Variants in ITFG1 observed in about 807,000 individuals in gnomAD.
The protein encoded by ITFG1 is integrin alpha FG-GAP repeat containing 1.
Under a neutral mutation model 81.8 loss-of-function variants are expected in ITFG1, and 34 were observed. The ratio of observed to expected loss-of-function variants is 0.42; its 90% CI spans 0.32 to 0.55. The LOEUF (loss-of-function observed/expected upper bound fraction) is 0.55, where lower values mean the gene tolerates loss of function less well. Ranked by LOEUF, ITFG1 falls within the 20% of genes least tolerant of loss-of-function variation. The pLI, the probability that ITFG1 is intolerant of heterozygous loss-of-function variation, is 0.17. For synonymous variants in ITFG1, 285 were observed against 270.6 expected (o/e 1.05, Z -0.52); for missense variants, 672 against 755.4 (o/e 0.89, Z 1.29).
At chr16:47,447,768 CTGTT>C (rs934615568) in intron 5 of ITFG1, among the ~76,000 whole-genome samples, 4 of 152,158 alleles carry the variant, frequency 2.6e-5, no homozygotes, top group African/African-American at 9.7e-5. Flanking sequence ...AAGTTTTTCA[CTGTT>C]TCTGCAGTTT....
chr16:47,406,742 A>G (rs912796805), intron 6 of ITFG1, among the ~76,000 whole-genome samples: 1 of 152,216 alleles, frequency 6.6e-6, no homozygotes, highest in South Asian at 2.1e-4. Flanking sequence ...AAACTAAAGA[A>G]GGGTAAGGGC....
In ITFG1 at chr16:47,273,536, C is replaced by G. The variant is rs529241987; in HGVS notation, c.1071-12841G>C. 2.0e-5 allele frequency among the ~76,000 whole-genome samples: 3 copies of G among 152,232 alleles called. No individual in the cohort carries two copies. The East Asian group carries it at 5.8e-4, about 29-fold the overall frequency. On this transcript the variant is annotated intron_variant, in intron 10 of 17. Coordinates refer to ENST00000320640, the MANE Select transcript of ITFG1 (RefSeq NM_030790.5). ...TAATTGATATTCACAATAAAGTTCA[C>G]TTTATCTCTGGGCAAATGCAATCCA...
At chr16:47,337,507 T>C (rs1275866987) in intron 8 of ITFG1, among the ~76,000 whole-genome samples, 1 of 151,882 alleles carries the variant, frequency 6.6e-6, no homozygotes, top group Non-Finnish European at 1.5e-5. Context: ...GAGGTGGAGG[T>C]TGCAGTGAGC....
At chr16:47,267,776 T>A (rs1966294069) in intron 10 of ITFG1, among the ~76,000 whole-genome samples, 1 of 152,116 alleles carries the variant, frequency 6.6e-6, no homozygotes, top group African/African-American at 2.4e-5. Flanking sequence ...CAAATTTTTT[T>A]AAAACTGAAA....
chr16:47,459,014 C>T (rs1354417333), intron 2 of ITFG1, 89 bp downstream of exon 2: 12 of 820,554 alleles, frequency 1.5e-5, no homozygotes, highest in Non-Finnish European at 2.4e-5. Flanking sequence ...AACACTAAGG[C>T]TGACTTTAAA....
At chr16:47,246,554 T>C (rs989623559) in intron 12 of ITFG1, among the ~76,000 whole-genome samples, 1 of 152,188 alleles carries the variant, frequency 6.6e-6, no homozygotes, top group Admixed American at 6.5e-5. Flanking sequence ...TTTATCTGTG[T>C]CCACTCAGAA....
intron 1 of ITFG1, among the ~76,000 whole-genome samples, chr16:47,460,608 C>T (rs773722935): frequency 1.3e-5 from 2 of 152,120 alleles, no homozygotes; most frequent in African/African-American, 2.4e-5. Context: ...AACTGAGGTG[C>T]TGTCAGGGCT....
intron 12 of ITFG1, among the ~76,000 whole-genome samples, chr16:47,256,225 G>A (rs759686382): frequency 1.3e-5 from 2 of 152,098 alleles, no homozygotes; most frequent in South Asian, 2.1e-4. Flanking sequence ...TCAGCCTCCC[G>A]AAGTGCTGGG....
intron 12 of ITFG1, among the ~76,000 whole-genome samples, chr16:47,250,649 A>G (rs16954079): frequency 0.02 from 3,089 of 152,336 alleles, 104 homozygotes; most frequent in African/African-American, 0.07. Flanking sequence ...CAATTTCAAA[A>G]ACAAAACATA....
chr16:47,172,311 CCT>C (rs1964972510), intron 14 of ITFG1, among the ~76,000 whole-genome samples: 1 of 152,146 alleles, frequency 6.6e-6, no homozygotes, highest in Non-Finnish European at 1.5e-5. Flanking sequence ...ACGGCAAAAC[CCT>C]GTCTCTACTA....
At chr16:47,399,000 C>A (rs1968625958) in intron 6 of ITFG1, among the ~76,000 whole-genome samples, 1 of 152,184 alleles carries the variant, frequency 6.6e-6, no homozygotes, top group Admixed American at 6.5e-5. Flanking sequence ...CCTCCCTTTA[C>A]CCTTAATCAG....
At chr16:47,362,229 A>C (rs1968118768) in intron 8 of ITFG1, among the ~76,000 whole-genome samples, 1 of 152,100 alleles carries the variant, frequency 6.6e-6, no homozygotes, top group Non-Finnish European at 1.5e-5. Context: ...CTGTCTCCTG[A>C]GTGGTTTCCA....
At chr16:47,421,598 C>T (rs560255009) in intron 6 of ITFG1, among the ~76,000 whole-genome samples, 69 of 152,108 alleles carry the variant, frequency 4.5e-4, no homozygotes, top group African/African-American at 1.5e-3. Flanking sequence ...CCACCATGCC[C>T]GGACTAGCCA....
At chr16:47,216,668 A>T (rs1311152886) in intron 14 of ITFG1, among the ~76,000 whole-genome samples, 2 of 151,270 alleles carry the variant, frequency 1.3e-5, no homozygotes, top group Non-Finnish European at 2.9e-5. Flanking sequence ...TTATTTATTT[A>T]TTTATTTTTT....
At chr16:47,365,155 G>T (rs1450663340) in intron 8 of ITFG1, among the ~76,000 whole-genome samples, 1 of 152,138 alleles carries the variant, frequency 6.6e-6, no homozygotes, top group Admixed American at 6.5e-5. Context: ...AGCCTACGGT[G>T]GTTTATTGGC....
chr16:47,191,631 C>T (rs1352840889), intron 14 of ITFG1, among the ~76,000 whole-genome samples: 1 of 152,172 alleles, frequency 6.6e-6, no homozygotes, highest in African/African-American at 2.4e-5. Context: ...GCCTCAGCCT[C>T]CCAAGTAGCT....
intron 8 of ITFG1, among the ~76,000 whole-genome samples, chr16:47,329,341 A>G (rs902356644): frequency 6.0e-4 from 92 of 152,274 alleles, no homozygotes; most frequent in African/African-American, 2.1e-3. Flanking sequence ...CAGTTTTTCT[A>G]TCCACAAAAT....
intron 8 of ITFG1, chr16:47,365,559 A>C: frequency 4.8e-6 from 2 of 419,948 alleles, no homozygotes; most frequent in Middle Eastern, 6.5e-4. Context: ...TTACTTCTGC[A>C]AACAGTATCA....
At chr16:47,400,741 T>C (rs1968651174) in intron 6 of ITFG1, among the ~76,000 whole-genome samples, 1 of 143,918 alleles carries the variant, frequency 6.9e-6, no homozygotes, top group South Asian at 2.1e-4. Flanking sequence ...AGCAAAGAGG[T>C]AGGGGAGGAT....
Sources: gnomAD v4.1 joint callset for allele counts (sites outside exome capture counted in the v4.1 genomes callset) on GRCh38, gnomAD v4.1.1 for gene constraint, MANE v1.5 for transcripts, NCBI Gene and HGNC (gene_info 2026-07-23, HGNC 2026-07-21) for gene names.